CCDC102B: variants seen among roughly 807,000 people sequenced by gnomAD.
CCDC102B encodes coiled-coil domain-containing protein 102B.
Under a neutral mutation model 57.4 loss-of-function variants are expected in CCDC102B, and 75 were observed. That is an observed-to-expected ratio of 1.31 (90% CI 1.08 to 1.58). The LOEUF is 1.58. Ranked by LOEUF, CCDC102B falls within the 40% of genes most tolerant of loss-of-function variation. The probability of loss-of-function intolerance (pLI) is 0.00; values close to 1 mark genes in which losing one functional copy is unlikely to be tolerated. For missense variants in CCDC102B, 636 were observed against 582.6 expected (o/e 1.09, Z -0.94); for synonymous variants, 206 against 201.9 (o/e 1.02, Z -0.17).
chr18:68,892,981 G>A (rs1467144952), intron 5 of CCDC102B, among the ~76,000 whole-genome samples: 1 of 152,162 alleles, frequency 6.6e-6, no homozygotes, highest in Non-Finnish European at 1.5e-5. Context: ...ATTCACATTG[G>A]TTTTAGGTGA....
At chr18:68,936,993 G>C (rs2049259854) in intron 6 of CCDC102B, among the ~76,000 whole-genome samples, 1 of 151,844 alleles carries the variant, frequency 6.6e-6, no homozygotes, top group African/African-American at 2.4e-5. Context: ...GGAAATACAG[G>C]TTTAGGCTTT....
chr18:68,761,917 T>C lies in CCDC102B; in HGVS notation c.-67+45323T>C, dbSNP rs1306807398. On this transcript the variant is annotated intron_variant, in intron 2 of 3. Transcript: ENST00000578970. ...ATCTTCTTTTTTCATTGACTGAACTTGTATATTTATCTGTTTCTCTTCTTC... is the reference window on the plus strand; with the variant it reads ...ATCTTCTTTTTTCATTGACTGAACTCGTATATTTATCTGTTTCTCTTCTTC... Among the ~76,000 whole-genome samples, 4 of 152,236 alleles carry C rather than the reference T, an allele frequency of 2.6e-5. No homozygotes were observed. In the South Asian group the frequency reaches 8.3e-4, roughly 32 times the overall value.
chr18:69,019,748 T>C (rs1440357627), intron 7 of CCDC102B, among the ~76,000 whole-genome samples: 2 of 152,146 alleles, frequency 1.3e-5, no homozygotes, highest in Non-Finnish European at 2.9e-5. Flanking sequence ...TTGCTAAAAC[T>C]TCTAGTGCTA....
chr18:69,034,560 C>T (rs1038365742), intron 7 of CCDC102B, among the ~76,000 whole-genome samples: 3 of 151,770 alleles, frequency 2.0e-5, no homozygotes, highest in African/African-American at 7.3e-5. Flanking sequence ...AATTATATTC[C>T]ACTGGTCTAT....
chr18:68,930,833 T>A (rs768640597), intron 6 of CCDC102B, among the ~76,000 whole-genome samples: 4 of 151,918 alleles, frequency 2.6e-5, no homozygotes, highest in Admixed American at 1.3e-4. Context: ...AAAGACTTGT[T>A]GAAAAGTAAA....
chr18:68,944,907 A>G (rs2049489518), intron 6 of CCDC102B, among the ~76,000 whole-genome samples: 1 of 152,152 alleles, frequency 6.6e-6, no homozygotes, highest in South Asian at 2.1e-4. Context: ...ATGCTCCTTT[A>G]TAAAAGTCAT....
rs564068246 is a variant in CCDC102B, at chr18:68,970,825, G to A, written c.1264-40109G>A. ...GGAATCTGTAATAATTGGGAAGTAG[G>A]TAAATAAGGTAATGCTTATATCCTA... On this transcript the variant is annotated intron_variant, in intron 6 of 7. Coordinates refer to ENST00000360242, the MANE Select transcript of CCDC102B (RefSeq NM_024781.3). Among the ~76,000 whole-genome samples the A allele has an allele frequency of 3.3e-5, 5 of 152,020 alleles. No homozygotes were observed. The South Asian group carries it at 1.0e-3, about 32-fold the overall frequency.
chr18:68,733,957 C>T (rs910895239), intron 2 of CCDC102B, among the ~76,000 whole-genome samples: 5 of 152,150 alleles, frequency 3.3e-5, no homozygotes, highest in Non-Finnish European at 7.4e-5. Context: ...TGCGTTTCTG[C>T]GTTTCCAGGA....
chr18:68,730,866 A>G (rs1401365829), intron 2 of CCDC102B, among the ~76,000 whole-genome samples: 1 of 152,242 alleles, frequency 6.6e-6, no homozygotes, highest in East Asian at 1.9e-4. Flanking sequence ...AACAGTATCA[A>G]AAGGACTGAG....
At chr18:68,739,533 A>G (rs1430704930) in intron 2 of CCDC102B, among the ~76,000 whole-genome samples, 1 of 152,150 alleles carries the variant, frequency 6.6e-6, no homozygotes, top group Non-Finnish European at 1.5e-5. Flanking sequence ...CCCATGTTTG[A>G]TACTGGATGT....
At chr18:68,717,286 CGTT>C (rs982740007) in intron 2 of CCDC102B, among the ~76,000 whole-genome samples, 2 of 152,030 alleles carry the variant, frequency 1.3e-5, no homozygotes, top group African/African-American at 4.8e-5. Context: ...AAATTAGAGA[CGTT>C]GTAATGAGAT....
intron 5 of CCDC102B, among the ~76,000 whole-genome samples, chr18:68,884,634 T>C (rs772220631): frequency 2.0e-5 from 3 of 150,940 alleles, no homozygotes; most frequent in Non-Finnish European, 4.4e-5. Flanking sequence ...CCATCATATA[T>C]ACATATACAT....
intron 2 of CCDC102B, among the ~76,000 whole-genome samples, chr18:68,765,324 G>GGAAGGAAAGAAA (rs1491399373): frequency 1.4e-3 from 85 of 60,376 alleles, no homozygotes; most frequent in Non-Finnish European, 1.9e-3. Context: ...AAGGAAGGAA[G>GGAAGGAAAGAAA]GAAAGAAAGA....
intron 6 of CCDC102B, among the ~76,000 whole-genome samples, chr18:68,913,649 G>A (rs376522174): frequency 4.8e-4 from 47 of 97,192 alleles, no homozygotes; most frequent in Middle Eastern, 5.3e-3. Context: ...AGTGACACTC[G>A]GTCTCAAAAG....
chr18:68,882,801 G>A (rs566740892), intron 5 of CCDC102B, among the ~76,000 whole-genome samples: 2 of 152,312 alleles, frequency 1.3e-5, no homozygotes, highest in South Asian at 4.1e-4. Flanking sequence ...TGTTTGGAAT[G>A]TAACCATAAA....
At chr18:69,034,697 A>T (rs2145453056) in intron 7 of CCDC102B, among the ~76,000 whole-genome samples, 1 of 151,446 alleles carries the variant, frequency 6.6e-6, no homozygotes, top group South Asian at 2.1e-4. Flanking sequence ...TACTTTATAT[A>T]TATATGCATA....
At chr18:68,998,991 T>TAGAG (rs2051118042) in intron 6 of CCDC102B, among the ~76,000 whole-genome samples, 2 of 70,108 alleles carry the variant, frequency 2.9e-5, no homozygotes, top group African/African-American at 9.8e-5. Flanking sequence ...TATATATATA[T>TAGAG]ATATATATAG....
intron 5 of CCDC102B, among the ~76,000 whole-genome samples, chr18:68,886,137 A>T (rs2039876191): frequency 6.6e-6 from 1 of 152,050 alleles, no homozygotes; most frequent in South Asian, 2.1e-4. Flanking sequence ...TTGGGAGAAT[A>T]TATAAAATAT....
intron 7 of CCDC102B, among the ~76,000 whole-genome samples, chr18:69,035,036 G>A (rs1176740994): frequency 6.6e-6 from 1 of 151,840 alleles, no homozygotes; most frequent in East Asian, 1.9e-4. Context: ...TTATTTATAA[G>A]CAAGCATTTT....
Sources: allele counts gnomAD v4.1 joint callset (sites outside exome capture counted in the v4.1 genomes callset), GRCh38; gene constraint gnomAD v4.1.1; transcripts MANE v1.5; gene names NCBI Gene and HGNC (gene_info 2026-07-23, HGNC 2026-07-21).